Variants in HMGB1 observed in about 807,000 individuals in gnomAD.
HMGB1 encodes the protein high mobility group box 1.
For synonymous variants in HMGB1, 81 were observed against 84.0 expected, an observed-to-expected ratio of 0.96 and a Z score of 0.19; for missense variants, 79 against 253.5, an observed-to-expected ratio of 0.31 and a Z score of 4.67.
At chr13:30,567,747 A>T (rs1247232511) in intron 1 of HMGB1, among the ~76,000 whole-genome samples, 2 of 152,162 alleles carry the variant, frequency 1.3e-5, no homozygotes, top group African/African-American at 2.4e-5. Context: ...TAACATACTG[A>T]TAGCTGCTGA....
chr13:30,611,384 G>A (rs746361649), intron 1 of HMGB1, among the ~76,000 whole-genome samples: 17 of 152,098 alleles, frequency 1.1e-4, no homozygotes, highest in Admixed American at 9.2e-4. Context: ...GGCTGGTCTC[G>A]AACTCCTGAC....
At chr13:30,604,614 T>G (rs1011349153) in intron 1 of HMGB1, among the ~76,000 whole-genome samples, 1 of 152,230 alleles carries the variant, frequency 6.6e-6, no homozygotes, top group African/African-American at 2.4e-5. Context: ...TGGATTGAGA[T>G]GGCAGTGGTA....
At chr13:30,565,298 A>G (rs367777745) in intron 1 of HMGB1, among the ~76,000 whole-genome samples, 3 of 152,210 alleles carry the variant, frequency 2.0e-5, no homozygotes, top group East Asian at 3.8e-4. Context: ...CTAGATGGTC[A>G]CTGTCTCACC....
chr13:30,580,082 A>C (rs1238590980), intron 1 of HMGB1, among the ~76,000 whole-genome samples: 4 of 152,212 alleles, frequency 2.6e-5, no homozygotes, highest in Non-Finnish European at 4.4e-5. Context: ...TTTCTGATAC[A>C]AAGAGACAGT....
chr13:30,614,497 G>A (rs1950542055), intron 1 of HMGB1, among the ~76,000 whole-genome samples: 1 of 152,040 alleles, frequency 6.6e-6, no homozygotes. Flanking sequence ...CAGAAGAGAT[G>A]GGATTAGATG....
At chr13:30,530,929 C>A (rs935920570) in intron 1 of HMGB1, among the ~76,000 whole-genome samples, 1 of 152,120 alleles carries the variant, frequency 6.6e-6, no homozygotes, top group East Asian at 1.9e-4. Flanking sequence ...TGTTTGTAGT[C>A]CCAGCTACTC....
At chr13:30,463,900 TC>T in intron 1 of HMGB1, 3 of 486,660 alleles carry the variant, frequency 6.2e-6, no homozygotes, top group Non-Finnish European at 1.0e-5. Flanking sequence ...ACAAAAACAG[TC>T]CTTCAGGGCG....
At chr13:30,607,820 T>C (rs536861997) in intron 1 of HMGB1, among the ~76,000 whole-genome samples, 6 of 152,284 alleles carry the variant, frequency 3.9e-5, no homozygotes, top group South Asian at 2.1e-4. Context: ...ATAATATATA[T>C]AAAAATACAA....
chr13:30,480,480 G>T (rs1328988096), intron 1 of HMGB1, among the ~76,000 whole-genome samples: 3 of 152,268 alleles, frequency 2.0e-5, no homozygotes, highest in South Asian at 4.1e-4. Flanking sequence ...CCTGCCTCAG[G>T]CTCCTGAATA....
intron 1 of HMGB1, among the ~76,000 whole-genome samples, chr13:30,503,078 C>T (rs887285161): frequency 2.7e-4 from 41 of 152,170 alleles, no homozygotes; most frequent in Non-Finnish European, 5.4e-4. Flanking sequence ...TGGCTCACAC[C>T]TGTAATCCCA....
exon 1 of HMGB1, chr13:30,617,020 G>T (rs1018741737): frequency 6.6e-5 from 10 of 152,232 alleles, no homozygotes; most frequent in African/African-American, 2.4e-4. Flanking sequence ...AGCATACGCG[G>T]TCACGATGTC....
intron 1 of HMGB1, among the ~76,000 whole-genome samples, chr13:30,488,692 T>TATTATC (rs1555234248): frequency 1.4e-4 from 16 of 117,512 alleles, no homozygotes; most frequent in Admixed American, 9.7e-4. Context: ...TTATTATTAT[T>TATTATC]ATTACTTTTA....
At chr13:30,563,841 T>C (rs1380978398) in intron 1 of HMGB1, among the ~76,000 whole-genome samples, 2 of 152,138 alleles carry the variant, frequency 1.3e-5, no homozygotes, top group Non-Finnish European at 2.9e-5. Flanking sequence ...GAAGATGTGG[T>C]TTAAGGATTT....
chr13:30,463,412 C>T (rs1025665018), intron 2 of HMGB1, 60 bp from the exon 3 acceptor site: 66 of 1,544,408 alleles, frequency 4.3e-5, no homozygotes, highest in Middle Eastern at 1.7e-4. Context: ...TCCTCAAAAC[C>T]AATGTCTTTT....
chr13:30,512,497 A>G (rs960669925), intron 1 of HMGB1, among the ~76,000 whole-genome samples: 2 of 152,228 alleles, frequency 1.3e-5, no homozygotes, highest in African/African-American at 4.8e-5. Context: ...GCCCTTCAGT[A>G]GTTTGATTCC....
At chr13:30,488,307 C>T (rs568939855) in intron 1 of HMGB1, among the ~76,000 whole-genome samples, 3 of 152,176 alleles carry the variant, frequency 2.0e-5, no homozygotes, top group Non-Finnish European at 2.9e-5. Flanking sequence ...CAAAAACAAA[C>T]TCTTACCAGC....
At chr13:30,549,711 GT>G (rs58245075) in intron 1 of HMGB1, among the ~76,000 whole-genome samples, 114,499 of 135,644 alleles carry the variant, frequency 0.84, 50,981 homozygotes, top group East Asian at 0.99. Flanking sequence ...CTAATTGTTT[GT>G]TTTTTTTTTT....
At chr13:30,571,690 G>A (rs938190643) in intron 1 of HMGB1, among the ~76,000 whole-genome samples, 1 of 151,934 alleles carries the variant, frequency 6.6e-6, no homozygotes, top group Non-Finnish European at 1.5e-5. Flanking sequence ...GCCACAAGCA[G>A]GTTTACAAAA....
intron 1 of HMGB1, among the ~76,000 whole-genome samples, chr13:30,598,321 G>A (rs916450945): frequency 5.9e-5 from 9 of 152,240 alleles, no homozygotes; most frequent in African/African-American, 9.6e-5. Context: ...AGTAGGGCAA[G>A]GGCCAGAGAC....
Sources: allele counts gnomAD v4.1 joint callset (sites outside exome capture counted in the v4.1 genomes callset), GRCh38; gene constraint gnomAD v4.1.1; transcripts MANE v1.5; gene names NCBI Gene and HGNC (gene_info 2026-07-23, HGNC 2026-07-21).